Variants in AP3S1 observed in about 807,000 individuals in gnomAD.
The protein encoded by AP3S1 is AP-3 complex subunit sigma-1.
AP3S1 carries 12 observed loss-of-function variants against 21.3 expected under a neutral mutation model. The observed-to-expected ratio is 0.56, with a 90% CI of 0.36 to 0.91. AP3S1 has a LOEUF of 0.91. AP3S1 is among the 40% of genes least tolerant of loss of function. AP3S1 has a pLI of 0.01. For missense variants in AP3S1, 116 were observed against 225.0 expected (o/e 0.52, Z 3.10); for synonymous variants, 48 against 78.4 (o/e 0.61, Z 2.05).
chr5:115,884,667 C>G (rs1443524047), intron 3 of AP3S1, among the ~76,000 whole-genome samples: 1 of 152,168 alleles, frequency 6.6e-6, no homozygotes, highest in Non-Finnish European at 1.5e-5. Flanking sequence ...TCTTACAATA[C>G]CACATTTTTT....
intron 1 of AP3S1, among the ~76,000 whole-genome samples, chr5:115,861,621 C>G (rs1358133846): frequency 6.6e-6 from 1 of 151,984 alleles, no homozygotes; most frequent in Non-Finnish European, 1.5e-5. Flanking sequence ...GTGGCATGAT[C>G]TTGGCTCACT....
chr5:115,897,277 T>C (rs1750830947), intron 4 of AP3S1, among the ~76,000 whole-genome samples: 1 of 152,192 alleles, frequency 6.6e-6, no homozygotes, highest in African/African-American at 2.4e-5. Context: ...TACACAACAC[T>C]ATATCACTAT....
chr5:115,864,218 G>A (rs913987787), intron 1 of AP3S1, among the ~76,000 whole-genome samples: 3 of 152,210 alleles, frequency 2.0e-5, no homozygotes, highest in African/African-American at 7.2e-5. Context: ...TCTATAAGAA[G>A]GAGTGGATGA....
At chr5:115,887,616 G>C (rs1207395227) in intron 3 of AP3S1, among the ~76,000 whole-genome samples, 2 of 152,022 alleles carry the variant, frequency 1.3e-5, no homozygotes, top group Non-Finnish European at 2.9e-5. Context: ...TCTTTTGTGA[G>C]ACATTGTTGT....
At chr5:115,858,962 A>G (rs1409352075) in intron 1 of AP3S1, among the ~76,000 whole-genome samples, 1 of 150,402 alleles carries the variant, frequency 6.6e-6, no homozygotes, top group Non-Finnish European at 1.5e-5. Context: ...ATTTTTTATT[A>G]TACTTTAAAT....
chr5:115,854,912 G>A (rs577658859), intron 1 of AP3S1, among the ~76,000 whole-genome samples: 3 of 151,974 alleles, frequency 2.0e-5, no homozygotes, highest in South Asian at 4.2e-4. Context: ...CTTACAGTAT[G>A]TTATTTGTAC....
At chr5:115,859,405 A>T (rs755399810) in intron 1 of AP3S1, among the ~76,000 whole-genome samples, 2 of 152,174 alleles carry the variant, frequency 1.3e-5, no homozygotes, top group Non-Finnish European at 2.9e-5. Context: ...AATTTTTATG[A>T]GTGAGGCTTG....
chr5:115,880,233 G>A (rs973195538), intron 3 of AP3S1, among the ~76,000 whole-genome samples: 2 of 151,996 alleles, frequency 1.3e-5, no homozygotes, highest in Non-Finnish European at 2.9e-5. Flanking sequence ...GTTATTTCTT[G>A]TCTTCTGCTA....
intron 4 of AP3S1, among the ~76,000 whole-genome samples, chr5:115,897,813 C>T (rs1046640021): frequency 1.3e-5 from 2 of 152,080 alleles, no homozygotes; most frequent in African/African-American, 2.4e-5. Context: ...CTGCCTGCCT[C>T]GGCCTCCCAA....
At chr5:115,856,392 T>C (rs1484834602) in intron 1 of AP3S1, among the ~76,000 whole-genome samples, 1 of 152,134 alleles carries the variant, frequency 6.6e-6, no homozygotes, top group African/African-American at 2.4e-5. Flanking sequence ...ATGTATACAT[T>C]ATAAAAGGAT....
chr5:115,912,365 A>G (rs547336723), intron 5 of AP3S1, among the ~76,000 whole-genome samples: 1 of 152,142 alleles, frequency 6.6e-6, no homozygotes, highest in East Asian at 1.9e-4. Context: ...ATATAGCCTG[A>G]ATAAAAAGTA....
chr5:115,858,716 G>T (rs1762959693), intron 1 of AP3S1, among the ~76,000 whole-genome samples: 3 of 150,790 alleles, frequency 2.0e-5, no homozygotes, highest in Admixed American at 6.6e-5. Context: ...GTTTTCTACT[G>T]AATTTTTAAA....
At chr5:115,886,673 T>A (rs1749810236) in intron 3 of AP3S1, among the ~76,000 whole-genome samples, 1 of 152,196 alleles carries the variant, frequency 6.6e-6, no homozygotes, top group African/African-American at 2.4e-5. Context: ...ACGCAGATTT[T>A]CAACTGTGTG....
chr5:115,878,487 A>T (rs540752968), intron 3 of AP3S1, among the ~76,000 whole-genome samples: 2 of 152,188 alleles, frequency 1.3e-5, no homozygotes, highest in Admixed American at 6.5e-5. Context: ...TGTCAGATTT[A>T]CCAAAGGTCA....
At chr5:115,882,336 A>G (rs1351776525) in intron 3 of AP3S1, among the ~76,000 whole-genome samples, 1 of 151,690 alleles carries the variant, frequency 6.6e-6, no homozygotes, top group Non-Finnish European at 1.5e-5. Flanking sequence ...ATCTTTGTGG[A>G]TTTATCTACC....
intron 2 of AP3S1, among the ~76,000 whole-genome samples, chr5:115,867,791 T>A (rs1347178656): frequency 6.6e-6 from 1 of 152,170 alleles, no homozygotes; most frequent in Non-Finnish European, 1.5e-5. Flanking sequence ...GCCTCTTGAT[T>A]TCTTATCTCC....
intron 4 of AP3S1, among the ~76,000 whole-genome samples, chr5:115,900,978 AAT>A (rs1751157729): frequency 6.6e-6 from 1 of 152,172 alleles, no homozygotes; most frequent in African/African-American, 2.4e-5. Context: ...TCATTATAAA[AAT>A]ATGTGTCTAA....
chr5:115,873,091 C>T (rs1483295914), intron 3 of AP3S1, among the ~76,000 whole-genome samples: 1 of 152,048 alleles, frequency 6.6e-6, no homozygotes, highest in Non-Finnish European at 1.5e-5. Flanking sequence ...TGTGTCTTTT[C>T]CTAGAGGTAA....
intron 2 of AP3S1, among the ~76,000 whole-genome samples, chr5:115,869,682 G>T (rs1197829513): frequency 6.6e-6 from 1 of 152,100 alleles, no homozygotes; most frequent in African/African-American, 2.4e-5. Context: ...TATTTTGATT[G>T]TCAGTGTAAC....
Sources: gnomAD v4.1 joint callset for allele counts (sites outside exome capture counted in the v4.1 genomes callset) on GRCh38, gnomAD v4.1.1 for gene constraint, MANE v1.5 for transcripts, NCBI Gene and HGNC (gene_info 2026-07-23, HGNC 2026-07-21) for gene names.